Variants in PTPRU observed in about 807,000 individuals in gnomAD.
PTPRU encodes receptor-type tyrosine-protein phosphatase U.
PTPRU carries 69 observed loss-of-function variants against 166.3 expected under a neutral mutation model. That is an observed-to-expected ratio of 0.41 (90% CI 0.34 to 0.51). PTPRU has a LOEUF of 0.51. Ranked by LOEUF, PTPRU falls within the 20% of genes least tolerant of loss-of-function variation. The probability of loss-of-function intolerance (pLI) is 0.09; values close to 1 mark genes in which losing one functional copy is unlikely to be tolerated. For synonymous variants in PTPRU, 793 were observed against 814.0 expected (o/e 0.97, Z 0.44); for missense variants, 1,657 against 2,013.7 (o/e 0.82, Z 3.39).
At chr1:29,283,391 A>T (rs1279017186) in intron 12 of PTPRU, among the ~76,000 whole-genome samples, 1 of 134,662 alleles carries the variant, frequency 7.4e-6, no homozygotes, top group Admixed American at 7.7e-5. Flanking sequence ...CCCACAGAGC[A>T]CTACCCCCTT....
chr1:29,290,396 G>A (rs1386442366), intron 14 of PTPRU, among the ~76,000 whole-genome samples: 3 of 152,228 alleles, frequency 2.0e-5, no homozygotes, highest in South Asian at 4.1e-4. Context: ...GTGGGAGGTT[G>A]CAAAATGCAC....
At chr1:29,239,096 T>C (rs1191036560) in intron 1 of PTPRU, among the ~76,000 whole-genome samples, 1 of 152,216 alleles carries the variant, frequency 6.6e-6, no homozygotes, top group Admixed American at 6.5e-5. Flanking sequence ...ATTCTGCCTC[T>C]GCTACTTGCT....
Position 29,301,727 on chromosome 1 carries a change from T to TC in PTPRU, c.2477-2122dup, listed in dbSNP as rs531358961. On this transcript the variant is annotated intron_variant, in intron 15 of 29. Transcript: ENST00000373779. ...TAGGTATATCTCCTAATGCTATCCT[T>TC]CCCCCCTCCCCTCATCCCATGACAG... 4.6e-5 allele frequency among the ~76,000 whole-genome samples: 7 copies of TC among 152,116 alleles called. No individual in the cohort carries two copies. The South Asian group carries it at 1.5e-3, about 32-fold the overall frequency.
chr1:29,273,274 A>C (rs1685650181), intron 7 of PTPRU, among the ~76,000 whole-genome samples: 1 of 152,016 alleles, frequency 6.6e-6, no homozygotes, highest in African/African-American at 2.4e-5. Flanking sequence ...TTTCTTTTCT[A>C]TTCTTTTTTT....
At chr1:29,269,516 G>A (rs1249948900) in intron 7 of PTPRU, among the ~76,000 whole-genome samples, 7 of 151,930 alleles carry the variant, frequency 4.6e-5, no homozygotes, top group East Asian at 1.9e-4. Flanking sequence ...GGAAGCTGGG[G>A]CAGGGGCCTG....
rs1004137022 is a variant in PTPRU, at chr1:29,291,578, G to T, written c.2319-291G>T. Among the ~76,000 whole-genome samples, 1 of 152,156 alleles carries T rather than the reference G, an allele frequency of 6.6e-6. No individual in the cohort carries two copies. The highest frequency in any genetic ancestry group is 6.5e-5 in the Admixed American group (1 of 15,286). On this transcript the variant is annotated intron_variant, in intron 14 of 29. Transcript: ENST00000373779. This position sits in a 1 kb window ranked among gnomAD's most constrained non-coding sequence, Gnocchi z 4.1. ...TTCTTTCCCATTTCCTAAGCCCAGG[G>T]GGCCAGTGAAACTTAGGAGTGAGAT...
chr1:29,303,365 A>G (rs1233316285), intron 15 of PTPRU, among the ~76,000 whole-genome samples: 1 of 152,194 alleles, frequency 6.6e-6, no homozygotes, highest in Non-Finnish European at 1.5e-5. Flanking sequence ...GCGCAGGAGA[A>G]AGGCGCCTAT....
At chr1:29,240,504 G>A (rs1471383636) in intron 1 of PTPRU, among the ~76,000 whole-genome samples, 1 of 152,144 alleles carries the variant, frequency 6.6e-6, no homozygotes, top group African/African-American at 2.4e-5. Context: ...TGAAGAACCA[G>A]GTTTCCCTCC....
intron 15 of PTPRU, among the ~76,000 whole-genome samples, chr1:29,301,274 A>G (rs1288270369): frequency 1.3e-5 from 2 of 152,156 alleles, no homozygotes; most frequent in Non-Finnish European, 2.9e-5. Context: ...GTCCTATAAG[A>G]TTATAATGGA....
At position 29,313,842 on chromosome 1, in the gene PTPRU, G is replaced by A. The variant is rs565727845; in HGVS notation, c.3227+1136G>A. 7.2e-5 allele frequency among the ~76,000 whole-genome samples: 11 copies of A among 152,234 alleles called. No individual in the cohort carries two copies. In the East Asian group the frequency reaches 1.7e-3, roughly 24 times the overall value. On this transcript the variant is annotated intron_variant, in intron 22 of 29. Coordinates refer to ENST00000373779, the MANE Select transcript of PTPRU (RefSeq NM_133178.4). ...TGTACTCCAGCCTGGGCAACAGAGC[G>A]AGACTCTGCCTCTAAAAAAAAATTT...
intron 29 of PTPRU, 63 bp from the exon 30 acceptor site, chr1:29,325,536 T>TC (rs981139032): frequency 1.7e-5 from 27 of 1,544,340 alleles, no homozygotes; most frequent in Non-Finnish European, 2.4e-5. Flanking sequence ...CCCGTTCCCC[T>TC]CCCCCCACAA....
At chr1:29,314,602 G>T (rs1390614300) in intron 22 of PTPRU, among the ~76,000 whole-genome samples, 1 of 150,448 alleles carries the variant, frequency 6.6e-6, no homozygotes, top group African/African-American at 2.5e-5. Context: ...TTTTGAGACA[G>T]GATCTTGTTC....
At position 29,260,072 on chromosome 1, in the gene PTPRU, G is replaced by T. The variant is rs1053394290; in HGVS notation, c.850+28G>T. 2.2e-6 allele frequency: 3 copies of T among 1,390,596 alleles called. No homozygotes were observed. The highest frequency in any genetic ancestry group is 2.9e-5 in the East Asian group (1 of 34,930). 86.1% of individuals were successfully genotyped at this position (1,390,596 alleles called of 1,614,324 possible). On this transcript the variant is annotated intron_variant, in intron 6 of 29. Transcript: ENST00000373779. The surrounding 1 kb of genome is among the most constrained non-coding windows in gnomAD (Gnocchi z 8.3). ...CAGCTGGTGGACGCCGGGGAGCGCC[G>T]GGACCTCACCCTCGAGGGGCGGGGC... is the stretch of plus-strand genomic sequence containing the variant.
rs551041636 is a variant in PTPRU at position 29,270,609 on chromosome 1, A to AT, written c.1145-4833dup. Reference sequence around the variant, plus strand: ...GCTACTGCACCCAGCCATAATCTCCATTTTTTAGTGGAGGAACCTGACATC... The same window carrying AT: ...GCTACTGCACCCAGCCATAATCTCCATTTTTTTAGTGGAGGAACCTGACATC... On this transcript the variant is annotated intron_variant, in intron 7 of 29. Coordinates refer to ENST00000373779, the MANE Select transcript of PTPRU (RefSeq NM_133178.4). Among the ~76,000 whole-genome samples the AT allele has an allele frequency of 8.5e-3, 1,293 of 152,214 alleles. 19 individuals carry two copies. Among genetic ancestry groups the AT allele is most frequent in the African/African-American group, 0.03 (1,227 of 41,526 alleles).
At position 29,311,396 on chromosome 1, in the gene PTPRU, G is replaced by C; in HGVS notation, c.2858-60G>C. The stretch of plus-strand genomic sequence containing the variant: ...GGTGTGGTGCTGGATGGTGCTGGAT[G>C]TGCTGACCTGGGGTGGAGACCTTGT... On this transcript the variant is annotated intron_variant, in intron 19 of 29. Transcript: ENST00000373779. The surrounding 1 kb of genome is among the most constrained non-coding windows in gnomAD (Gnocchi z 4.1). 1 of 1,541,416 alleles carries C rather than the reference G, an allele frequency of 6.5e-7. No homozygotes were observed. Among genetic ancestry groups the C allele is most frequent in the Non-Finnish European group, 8.9e-7 (1 of 1,119,502 alleles).
intron 1 of PTPRU, among the ~76,000 whole-genome samples, chr1:29,243,487 C>T (rs140696968): frequency 6.6e-6 from 1 of 152,382 alleles, no homozygotes; most frequent in East Asian, 1.9e-4. Flanking sequence ...TCACACCTCT[C>T]TACCTTTGCA....
At chr1:29,296,504 C>CTT (rs1156864962) in intron 15 of PTPRU, among the ~76,000 whole-genome samples, 9 of 135,764 alleles carry the variant, frequency 6.6e-5, no homozygotes, top group South Asian at 2.4e-4. Context: ...CCTTTCCTTT[C>CTT]TTTTTTTTTT....
chr1:29,244,232 G>A (rs963316852), intron 1 of PTPRU, among the ~76,000 whole-genome samples: 5 of 152,054 alleles, frequency 3.3e-5, no homozygotes, highest in South Asian at 2.1e-4. Context: ...ACGGAAAACC[G>A]CAGCACACTG....
chr1:29,278,564 A>G (rs1412563616), intron 8 of PTPRU, among the ~76,000 whole-genome samples: 2 of 152,212 alleles, frequency 1.3e-5, no homozygotes, highest in Admixed American at 1.3e-4. Flanking sequence ...CATGTCATTT[A>G]TGTAATTAGA....
Sources: allele counts gnomAD v4.1 joint callset (sites outside exome capture counted in the v4.1 genomes callset), GRCh38; gene constraint gnomAD v4.1.1; non-coding constraint Gnocchi (gnomAD v3.1); transcripts MANE v1.5; gene names NCBI Gene and HGNC (gene_info 2026-07-23, HGNC 2026-07-21).